CAPS2: variants seen among roughly 807,000 people sequenced by gnomAD.
The protein encoded by CAPS2 is calcyphosine 2.
A neutral mutation model predicts 86.5 loss-of-function variants in CAPS2; 98 were observed. The ratio of observed to expected loss-of-function variants is 1.13; its 90% confidence interval spans 0.96 to 1.34. CAPS2 has a LOEUF of 1.34. Among genes scored for constraint, CAPS2 ranks in the 40% most tolerant of loss-of-function variants. The pLI, the probability that CAPS2 is intolerant of heterozygous loss-of-function variation, is 0.00. For synonymous variants in CAPS2, 210 were observed against 225.1 expected (o/e 0.93, Z 0.60); for missense variants, 729 against 686.8 (o/e 1.06, Z -0.69).
At chr12:75,331,311 C>T (rs574017468), upstream of CAPS2, among the ~76,000 whole-genome samples, 201 of 152,264 alleles carry the variant, frequency 1.3e-3, 2 homozygotes, top group South Asian at 0.02. Context: ...AGTAACTTTT[C>T]AAAATTAGCT....
chr12:75,306,452 T>C, intron 7 of CAPS2: 2 of 297,054 alleles, frequency 6.7e-6, no homozygotes, highest in South Asian at 9.3e-5. Context: ...GGATTTACAG[T>C]GCAGTATTCA....
At position 75,305,884 on chromosome 12, in the gene CAPS2, C is replaced by A. The variant is rs2038418098; in HGVS notation, c.660-1008G>T. On this transcript the variant is annotated intron_variant, in intron 7 of 16. Transcript: ENST00000393284. ...GGATGCACCGCAGAGGCTGACCAGG[C>A]TGCACCTGAGGCTGTCCAACCTCCA... The A allele has an allele frequency of 3.8e-6, 3 of 797,608 alleles. 1 individual carries two copies. Among genetic ancestry groups the A allele is most frequent in the South Asian group, 2.8e-5 (2 of 71,326 alleles). 49.4% of individuals were successfully genotyped at this position (797,608 alleles called of 1,614,324 possible).
At chr12:75,278,664 G>T in exon 17 of CAPS2, 1 of 1,220,150 alleles carries the variant, frequency 8.2e-7, no homozygotes, top group Non-Finnish European at 1.0e-6. Flanking sequence ...ATGTGAACAG[G>T]CATACACATG....
chr12:75,326,944 T>C (rs565423407), upstream of CAPS2, among the ~76,000 whole-genome samples: 13 of 152,256 alleles, frequency 8.5e-5, no homozygotes, highest in South Asian at 2.7e-3. Context: ...GTGAAGATGC[T>C]AGGCATTCTG....
chr12:75,362,435 T>A (rs1210031088), intron 1 of CAPS2, among the ~76,000 whole-genome samples: 1 of 152,192 alleles, frequency 6.6e-6, no homozygotes, highest in Non-Finnish European at 1.5e-5. Flanking sequence ...TATGAATGCT[T>A]TCAACATTCA....
At chr12:75,330,159 C>G (rs2041170007), upstream of CAPS2, 1 of 295,608 alleles carries the variant, frequency 3.4e-6, no homozygotes, top group African/African-American at 2.2e-5. Flanking sequence ...TCGTTCTACG[C>G]CACCTCCCGC....
intron 1 of CAPS2, among the ~76,000 whole-genome samples, chr12:75,348,901 CT>C (rs1014886733): frequency 5.9e-5 from 9 of 152,096 alleles, no homozygotes; most frequent in African/African-American, 2.2e-4. Flanking sequence ...AAAGTTAGCC[CT>C]ATAATTCCCC....
At chr12:75,280,663 G>C (rs2033782763) in intron 16 of CAPS2, among the ~76,000 whole-genome samples, 1 of 151,682 alleles carries the variant, frequency 6.6e-6, no homozygotes, top group South Asian at 2.1e-4. Flanking sequence ...AAATACACTA[G>C]CAACAATTAA....
intron 1 of CAPS2, among the ~76,000 whole-genome samples, chr12:75,372,533 A>G (rs982224496): frequency 1.3e-4 from 20 of 152,040 alleles, no homozygotes; most frequent in Non-Finnish European, 2.4e-4. Flanking sequence ...GGAAGCAAAA[A>G]TTTTGCTAGT....
upstream of CAPS2, among the ~76,000 whole-genome samples, chr12:75,333,447 T>TAC (rs34076211): frequency 0.041 from 6,203 of 151,118 alleles, 135 homozygotes; most frequent in East Asian, 0.052. Flanking sequence ...CACACACATA[T>TAC]ACACACACAC....
chr12:75,363,674 A>G (rs985198982), intron 1 of CAPS2, among the ~76,000 whole-genome samples: 28 of 151,312 alleles, frequency 1.9e-4, no homozygotes, highest in East Asian at 1.4e-3. Flanking sequence ...AGGCCAGAGG[A>G]AAAAAAAATG....
intron 11 of CAPS2, among the ~76,000 whole-genome samples, chr12:75,295,553 CT>C (rs1257360872): frequency 2.0e-5 from 3 of 152,148 alleles, no homozygotes; most frequent in Non-Finnish European, 4.4e-5. Flanking sequence ...GGTTTAGGCC[CT>C]TGTACAAGTT....
At chr12:75,320,464 T>C (rs1477236692) in intron 5 of CAPS2, among the ~76,000 whole-genome samples, 2 of 152,110 alleles carry the variant, frequency 1.3e-5, no homozygotes, top group Non-Finnish European at 2.9e-5. Flanking sequence ...GATTATCATA[T>C]TTCTGTGTTT....
chr12:75,329,746 A>AT, upstream of CAPS2: 1 of 1,171,172 alleles, frequency 8.5e-7, no homozygotes, highest in Non-Finnish European at 1.2e-6. Context: ...AACTTAGGTC[A>AT]TTCCTAATTT....
intron 1 of CAPS2, among the ~76,000 whole-genome samples, chr12:75,342,997 A>G (rs1203603246): frequency 6.6e-6 from 1 of 151,918 alleles, no homozygotes; most frequent in Non-Finnish European, 1.5e-5. Context: ...TTCAACTTTG[A>G]TAACTTCATT....
chr12:75,358,796 A>G (rs1026148942), intron 1 of CAPS2, among the ~76,000 whole-genome samples: 1 of 144,022 alleles, frequency 6.9e-6, no homozygotes, highest in Non-Finnish European at 1.5e-5. Context: ...ATAACAATAT[A>G]TAATATATTA....
intron 1 of CAPS2, among the ~76,000 whole-genome samples, chr12:75,376,165 A>G (rs1021516287): frequency 1.3e-5 from 2 of 152,196 alleles, no homozygotes; most frequent in African/African-American, 4.8e-5. Context: ...CGTTTGATCC[A>G]TGTTTCAGCT....
chr12:75,328,881 T>C (rs75452213), upstream of CAPS2, among the ~76,000 whole-genome samples: 95 of 152,282 alleles, frequency 6.2e-4, no homozygotes, highest in East Asian at 0.013. Flanking sequence ...AACTTAGATA[T>C]AGTAAGAGTA....
At chr12:75,290,996 T>C (rs886584698) in intron 13 of CAPS2, among the ~76,000 whole-genome samples, 1 of 152,042 alleles carries the variant, frequency 6.6e-6, no homozygotes, top group Non-Finnish European at 1.5e-5. Context: ...TCTTTCTCCA[T>C]TTTATACTAT....
Sources: allele counts gnomAD v4.1 joint callset (sites outside exome capture counted in the v4.1 genomes callset), GRCh38; gene constraint gnomAD v4.1.1; transcripts MANE v1.5; gene names NCBI Gene and HGNC (gene_info 2026-07-23, HGNC 2026-07-21).